The following TTC9 variants were observed in gnomAD, a reference collection of about 807,000 sequenced individuals.
The protein encoded by TTC9 is tetratricopeptide repeat domain 9, also known as tetratricopeptide repeat protein 9A.
In TTC9, 13 loss-of-function variants were observed where a neutral mutation model predicts 22.9. That is an observed-to-expected ratio of 0.57 (90% CI 0.37 to 0.90). The LOEUF (loss-of-function observed/expected upper bound fraction) is 0.90. TTC9 is among the 40% of genes least tolerant of loss of function. The pLI is 0.01. For synonymous variants in TTC9, 148 were observed against 133.2 expected (o/e 1.11, Z -0.77); for missense variants, 280 against 291.8 (o/e 0.96, Z 0.29).
At chr14:70,654,311 C>A (rs1376493169) in intron 1 of TTC9, among the ~76,000 whole-genome samples, 1 of 151,954 alleles carries the variant, frequency 6.6e-6, no homozygotes, top group African/African-American at 2.4e-5. Flanking sequence ...TAGTTTCTGC[C>A]CGGGAGTGGT....
rs1191264100 is a variant in TTC9 at position 70,642,199 on chromosome 14, C to T, written c.70C>T (p.Arg24Trp). 1.6e-6 allele frequency: 2 copies of T among 1,243,300 alleles called. No individual in the cohort carries two copies. The highest frequency in any genetic ancestry group is 1.0e-6 in the Non-Finnish European group (1 of 989,820). 77.0% of individuals were successfully genotyped at this position (1,243,300 alleles called of 1,614,324 possible). A position where few individuals can be genotyped will look rare whatever the true frequency, so the allele number is the denominator to read the frequency against. The stretch of plus-strand genomic sequence containing the variant: ...CCCGCCCGCGGCCGGAGAGGGGCAG[C>T]GGCCACCGCCGCCGCTGTGCGTCCC... Reference protein sequence around the residue: ...PSPPAAGEGQRPPPPLCVPGG... With the variant: ...PSPPAAGEGQWPPPPLCVPGG... The change falls in exon 1 of 3, where the codon CGG becomes TGG. Residue 24 changes from arginine (R) to tryptophan (W), a missense_variant. Physicochemically the swap from Arg to Trp is moderately radical, Grantham distance 101. Around this residue, in one of 5 missense-constraint regions of TTC9, gnomAD observed 49 missense variants for 39.8 expected, o/e 1.23. Coordinates refer to ENST00000256367, the MANE Select transcript of TTC9 (RefSeq NM_015351.2).
intron 1 of TTC9, among the ~76,000 whole-genome samples, chr14:70,666,916 G>A (rs76157682): frequency 6.6e-6 from 1 of 152,294 alleles, no homozygotes; most frequent in South Asian, 2.1e-4. Flanking sequence ...TTATTCCTAA[G>A]GCTGCCTACA....
chr14:70,660,049 T>G (rs1183118239), intron 1 of TTC9, among the ~76,000 whole-genome samples: 2 of 152,256 alleles, frequency 1.3e-5, no homozygotes, highest in Non-Finnish European at 2.9e-5. Context: ...CTCTTCCTCT[T>G]ATTCCCTTTC....
At chr14:70,654,448 G>A (rs980714256) in intron 1 of TTC9, among the ~76,000 whole-genome samples, 13 of 151,260 alleles carry the variant, frequency 8.6e-5, no homozygotes, top group African/African-American at 1.7e-4. Flanking sequence ...AAAATTAGCC[G>A]GGCGTGGCGG....
rs1886322786 is a variant in TTC9, at chr14:70,673,353, G to A, written c.*2198G>A. The A allele has an allele frequency of 6.6e-6, 1 of 152,192 alleles. No individual in the cohort carries two copies. Among genetic ancestry groups the A allele is most frequent in the Admixed American group, 6.5e-5 (1 of 15,278 alleles). 9.4% of individuals were successfully genotyped at this position (152,192 alleles called of 1,614,324 possible). On this transcript the variant is annotated 3_prime_UTR_variant, in exon 3 of 3. Transcript: ENST00000256367. ...TAGTTCCCCAAAGGCTTTCAACGGGGGCTACAGGAAGGTGCTAGAAATATT... is the reference window on the plus strand; with the variant it reads ...TAGTTCCCCAAAGGCTTTCAACGGGAGCTACAGGAAGGTGCTAGAAATATT...
At chr14:70,646,631 TC>T (rs1271446289) in intron 1 of TTC9, among the ~76,000 whole-genome samples, 1 of 152,230 alleles carries the variant, frequency 6.6e-6, no homozygotes, top group South Asian at 2.1e-4. Flanking sequence ...TGTGCCTCTG[TC>T]CCTGGGATAC....
At chr14:70,650,030 C>T (rs72719797) in intron 1 of TTC9, among the ~76,000 whole-genome samples, 12,849 of 152,270 alleles carry the variant, frequency 0.084, 711 homozygotes, top group Non-Finnish European at 0.12. Flanking sequence ...CATGTCTCTC[C>T]TCTTTTCTTC....
rs530146956 is a variant in TTC9, at chr14:70,645,034, C to T, written c.406+2499C>T. Reference sequence around the variant, plus strand: ...GGCTGAGGCAGGAGAATGGCATAAACCCGGGAGGCGGAGCTTGCAGTGAGC... The same window carrying T: ...GGCTGAGGCAGGAGAATGGCATAAATCCGGGAGGCGGAGCTTGCAGTGAGC... On this transcript the variant is annotated intron_variant, in intron 1 of 2. Transcript: ENST00000256367. Among the ~76,000 whole-genome samples, 5 of 152,254 alleles carry T rather than the reference C, an allele frequency of 3.3e-5. No homozygotes were observed. In the East Asian group the frequency reaches 9.7e-4, roughly 29 times the overall value.
At chr14:70,651,485 T>C (rs1301149554) in intron 1 of TTC9, among the ~76,000 whole-genome samples, 1 of 152,036 alleles carries the variant, frequency 6.6e-6, no homozygotes, top group Non-Finnish European at 1.5e-5. Flanking sequence ...CTGTCTATAC[T>C]TGTCAAGCAA....
chr14:70,652,072 T>C (rs73287911), intron 1 of TTC9, among the ~76,000 whole-genome samples: 4,803 of 152,262 alleles, frequency 0.032, 293 homozygotes, highest in African/African-American at 0.11. Flanking sequence ...AGCCTCAGTT[T>C]CCCCATCTGT....
chr14:70,672,370 T>TC lies in TTC9; in HGVS notation c.*1218dup, dbSNP rs1886309243. On this transcript the variant is annotated 3_prime_UTR_variant, in exon 3 of 3. Coordinates refer to ENST00000256367, the MANE Select transcript of TTC9 (RefSeq NM_015351.2). The stretch of plus-strand genomic sequence containing the variant: ...GCTCTCCTGCCTTAAACTAATTTCA[T>TC]CCCAGCCTAGTCTCCTGATGTCTGT... 1 of 152,280 alleles carries TC rather than the reference T, an allele frequency of 6.6e-6. No homozygotes were observed. Among genetic ancestry groups the TC allele is most frequent in the Admixed American group, 6.5e-5 (1 of 15,288 alleles). 9.4% of individuals were successfully genotyped at this position (152,280 alleles called of 1,614,324 possible). A position where few individuals can be genotyped will look rare whatever the true frequency, so the allele number is the denominator to read the frequency against.
intron 1 of TTC9, among the ~76,000 whole-genome samples, chr14:70,666,378 T>C (rs935097019): frequency 6.6e-6 from 1 of 152,180 alleles, no homozygotes; most frequent in Non-Finnish European, 1.5e-5. Context: ...TGTCCAGACA[T>C]GTGGCTTGTA....
At chr14:70,670,990 C>T in intron 2 of TTC9, 86 bp from the exon 3 acceptor site, 2 of 1,344,384 alleles carry the variant, frequency 1.5e-6, no homozygotes, top group South Asian at 2.5e-5. Context: ...TGTTGGATGT[C>T]TGCAGACACA....
Position 70,674,876 on chromosome 14 carries a change from A to G in TTC9, c.*3721A>G, listed in dbSNP as rs1329099380. 2.6e-5 allele frequency: 4 copies of G among 152,214 alleles called. No individual in the cohort carries two copies. Among genetic ancestry groups the G allele is most frequent in the Non-Finnish European group, 5.9e-5 (4 of 68,042 alleles). The allele number at this position is 152,214 out of a possible 1,614,324, so 9.4% of individuals were successfully genotyped here. ...AATCTTCATTGTAAATAGTGTTGCA[A>G]CTGACATTCTTGTAGCTAAATTTTG... On this transcript the variant is annotated 3_prime_UTR_variant, in exon 3 of 3. Transcript: ENST00000256367.
At chr14:70,659,316 CT>C (rs143153804) in intron 1 of TTC9, among the ~76,000 whole-genome samples, 2,082 of 152,240 alleles carry the variant, frequency 0.014, 46 homozygotes, top group African/African-American at 0.047. Flanking sequence ...TGTAGTATTT[CT>C]TACAACGGTA....
chr14:70,666,395 G>T (rs1292612969), intron 1 of TTC9, among the ~76,000 whole-genome samples: 1 of 152,150 alleles, frequency 6.6e-6, no homozygotes, highest in Non-Finnish European at 1.5e-5. Context: ...TGTATGAGCT[G>T]GTCACTAGCC....
At chr14:70,652,325 A>G (rs966871587) in intron 1 of TTC9, among the ~76,000 whole-genome samples, 4 of 152,188 alleles carry the variant, frequency 2.6e-5, no homozygotes, top group Non-Finnish European at 5.9e-5. Context: ...CTGGGGGTAA[A>G]CCAAATGGAC....
intron 1 of TTC9, among the ~76,000 whole-genome samples, chr14:70,647,208 G>A (rs532787974): frequency 1.3e-5 from 2 of 152,278 alleles, no homozygotes; most frequent in African/African-American, 2.4e-5. Flanking sequence ...TTATACTTCT[G>A]TAGCTCATAC....
chr14:70,663,069 C>T lies in TTC9; in HGVS notation c.407-4495C>T, dbSNP rs1182080400. 3.9e-5 allele frequency among the ~76,000 whole-genome samples: 6 copies of T among 152,210 alleles called. No individual in the cohort carries two copies. In the East Asian group the frequency reaches 1.2e-3, roughly 29 times the overall value. Reference sequence around the variant, plus strand: ...ACTCTGGTCACCTGAGTCACCATCACTTCATCATCCAAATCCACTCTTGCC... The same window carrying T: ...ACTCTGGTCACCTGAGTCACCATCATTTCATCATCCAAATCCACTCTTGCC... On this transcript the variant is annotated intron_variant, in intron 1 of 2. Coordinates refer to ENST00000256367, the MANE Select transcript of TTC9 (RefSeq NM_015351.2).
Sources: allele counts gnomAD v4.1 joint callset (sites outside exome capture counted in the v4.1 genomes callset), GRCh38; gene constraint gnomAD v4.1.1; regional missense constraint gnomAD v4.1.1; transcripts MANE v1.5; gene names NCBI Gene and HGNC (gene_info 2026-07-23, HGNC 2026-07-21).